FOXK1: variants seen among roughly 807,000 people sequenced by gnomAD.
FOXK1 encodes the protein forkhead box protein K1.
A neutral mutation model predicts 51.9 loss-of-function variants in FOXK1; 19 were observed. The ratio of observed to expected loss-of-function variants is 0.37; its 90% CI spans 0.26 to 0.54. The LOEUF (loss-of-function observed/expected upper bound fraction) is 0.54, where lower values mean the gene tolerates loss of function less well. Ranked by LOEUF, FOXK1 falls within the 20% of genes least tolerant of loss-of-function variation. The probability of loss-of-function intolerance (pLI) is 0.87; values close to 1 mark genes in which losing one functional copy is unlikely to be tolerated. For synonymous variants in FOXK1, 537 were observed against 482.6 expected (o/e 1.11, Z -1.48); for missense variants, 870 against 1,032.7 (o/e 0.84, Z 2.16).
chr7:4,719,579 T>C (rs1167377519), intron 1 of FOXK1, among the ~76,000 whole-genome samples: 1 of 152,146 alleles, frequency 6.6e-6, no homozygotes, highest in African/African-American at 2.4e-5. Flanking sequence ...CCTCCTGGGT[T>C]CAAGCAATTC....
At position 4,753,564 on chromosome 7, in the gene FOXK1, G is replaced by C. The variant is rs1463023831; in HGVS notation, c.747-895G>C. 2.6e-5 allele frequency among the ~76,000 whole-genome samples: 4 copies of C among 152,204 alleles called. No individual in the cohort carries two copies. The stretch of plus-strand genomic sequence containing the variant: ...TCCATCTCAGGACGGGGCTAGGTGG[G>C]TGCCCGTGAGCTCAGGACAGTGGGA... On this transcript the variant is annotated intron_variant, in intron 2 of 8. Coordinates refer to ENST00000328914, the MANE Select transcript of FOXK1 (RefSeq NM_001037165.2). The surrounding 1 kb of genome is among the most constrained non-coding windows in gnomAD (Gnocchi z 4.9).
At chr7:4,732,357 A>G (rs1780489210) in intron 1 of FOXK1, among the ~76,000 whole-genome samples, 1 of 152,056 alleles carries the variant, frequency 6.6e-6, no homozygotes, top group African/African-American at 2.4e-5. Context: ...TTCAGTCACC[A>G]TCATAGCCCA....
chr7:4,727,950 G>A (rs993038998), intron 1 of FOXK1, among the ~76,000 whole-genome samples: 3 of 152,336 alleles, frequency 2.0e-5, no homozygotes, highest in African/African-American at 7.2e-5. Context: ...AGTCGGTGGC[G>A]TGTGTTTGCC....
intron 1 of FOXK1, among the ~76,000 whole-genome samples, chr7:4,702,123 CCACT>C (rs1562371402): frequency 6.6e-6 from 1 of 152,024 alleles, no homozygotes; most frequent in African/African-American, 2.4e-5. Flanking sequence ...CGTATTGTAC[CCACT>C]AAGAATCCGT....
rs1355047094 is a variant in FOXK1 at position 4,722,841 on chromosome 7, CCT to C, written c.561-17991_561-17990del. Among the ~76,000 whole-genome samples, 1 of 152,138 alleles carries C rather than the reference CCT, an allele frequency of 6.6e-6. No homozygotes were observed. Among genetic ancestry groups the C allele is most frequent in the Non-Finnish European group, 1.5e-5 (1 of 68,032 alleles). ...GCTGTGTCTGTGCACCTTCTCCATC[CCT>C]CTCTCGTTTGGGCTCCGGTTCCCGC... On this transcript the variant is annotated intron_variant, in intron 1 of 8. Coordinates refer to ENST00000328914, the MANE Select transcript of FOXK1 (RefSeq NM_001037165.2). The surrounding 1 kb of genome is among the most constrained non-coding windows in gnomAD (Gnocchi z 5.1).
At chr7:4,701,474 G>A (rs892178341) in intron 1 of FOXK1, among the ~76,000 whole-genome samples, 4 of 152,166 alleles carry the variant, frequency 2.6e-5, no homozygotes, top group African/African-American at 9.7e-5. Flanking sequence ...AAGTACTATT[G>A]ACCGGGCGTG....
At chr7:4,702,321 TTTG>T (rs1356501396) in intron 1 of FOXK1, among the ~76,000 whole-genome samples, 1 of 151,848 alleles carries the variant, frequency 6.6e-6, no homozygotes, top group Non-Finnish European at 1.5e-5. Flanking sequence ...CTAAGAGGCA[TTTG>T]TTGTTTGTGG....
intron 2 of FOXK1, among the ~76,000 whole-genome samples, chr7:4,750,160 G>C (rs1780756125): frequency 6.6e-6 from 1 of 152,214 alleles, no homozygotes; most frequent in Admixed American, 6.5e-5. Flanking sequence ...GCTGCTTACT[G>C]TGCTTCTTCC....
chr7:4,710,236 A>T (rs1479510713), intron 1 of FOXK1, among the ~76,000 whole-genome samples: 1 of 152,210 alleles, frequency 6.6e-6, no homozygotes, highest in African/African-American at 2.4e-5. Context: ...CCTTTCTAAG[A>T]TAACAGAGGT....
chr7:4,761,656 C>T lies in FOXK1; in HGVS notation c.1921+368C>T, dbSNP rs983404651. On this transcript the variant is annotated intron_variant, in intron 8 of 8. Transcript: ENST00000328914. This position sits in a 1 kb window ranked among gnomAD's most constrained non-coding sequence, Gnocchi z 6.2. ...AGGCTGTAGTCAGCTGTGATTGCTC[C>T]GCTACCTGCCAGCCTGGGTGACTGA... Among the ~76,000 whole-genome samples, 12 of 152,106 alleles carry T rather than the reference C, an allele frequency of 7.9e-5. No individual in the cohort carries two copies. In the South Asian group the frequency reaches 2.1e-3, roughly 26 times the overall value.
At chr7:4,727,416 A>G (rs912957502) in intron 1 of FOXK1, among the ~76,000 whole-genome samples, 3 of 151,802 alleles carry the variant, frequency 2.0e-5, no homozygotes, top group African/African-American at 7.3e-5. Flanking sequence ...CCCGGGTTCA[A>G]GTGATTCTTG....
intron 1 of FOXK1, among the ~76,000 whole-genome samples, chr7:4,685,816 G>A (rs1000849508): frequency 6.6e-6 from 1 of 151,856 alleles, no homozygotes; most frequent in Non-Finnish European, 1.5e-5. Context: ...GGTGGATCAC[G>A]CCTGTAGTCC....
chr7:4,758,809 A>G lies in FOXK1; in HGVS notation c.1245-242A>G. On this transcript the variant is annotated intron_variant, in intron 5 of 8. Coordinates refer to ENST00000328914, the MANE Select transcript of FOXK1 (RefSeq NM_001037165.2). This position sits in a 1 kb window ranked among gnomAD's most constrained non-coding sequence, Gnocchi z 4.4. ...CGTAGGTTGTTGCGTTCACTGCAGC[A>G]CCTCACATGATACCGTCCCCTCTCA... is the stretch of plus-strand genomic sequence containing the variant. The G allele has an allele frequency of 1.8e-6, 1 of 541,560 alleles. No homozygotes were observed. Among genetic ancestry groups the G allele is most frequent in the Non-Finnish European group, 3.2e-6 (1 of 308,616 alleles). The allele number at this position is 541,560 out of a possible 1,614,324, so 33.5% of individuals were successfully genotyped here.
Position 4,733,030 on chromosome 7 carries a change from TCTCCTGCACAGCTCTGGG to T in FOXK1, c.561-7794_561-7777del, listed in dbSNP as rs1234280740. Among the ~76,000 whole-genome samples the T allele has an allele frequency of 2.6e-5, 4 of 152,166 alleles. No individual in the cohort carries two copies. The highest frequency in any genetic ancestry group is 1.3e-4 in the Admixed American group (2 of 15,256). ...AACTTTCTCCTGAGAGCCCTGGCTC[TCTCCTGCACAGCTCTGGG>T]CTCCTGCACAGCTTCTGTTCTGGGG... On this transcript the variant is annotated intron_variant, in intron 1 of 8. Coordinates refer to ENST00000328914, the MANE Select transcript of FOXK1 (RefSeq NM_001037165.2). This position sits in a 1 kb window ranked among gnomAD's most constrained non-coding sequence, Gnocchi z 5.0.
chr7:4,710,540 A>G (rs1395716172), intron 1 of FOXK1, among the ~76,000 whole-genome samples: 2 of 152,202 alleles, frequency 1.3e-5, no homozygotes, highest in Non-Finnish European at 2.9e-5. Context: ...GCGCCACTGC[A>G]CTCCAGCTTG....
At chr7:4,738,699 G>A (rs991541672) in intron 1 of FOXK1, among the ~76,000 whole-genome samples, 3 of 152,124 alleles carry the variant, frequency 2.0e-5, no homozygotes, top group Admixed American at 1.3e-4. Flanking sequence ...TTCTCATCTT[G>A]GAAACAGTCT....
rs374646075 is a variant in FOXK1, at chr7:4,725,589, C to T, written c.561-15249C>T. ...GGCCCCTCCGGCCAGTCTGCGTGAA[C>T]GGACTCTCCGGGCCTCGCCCATGCT... is the stretch of plus-strand genomic sequence containing the variant. On this transcript the variant is annotated intron_variant, in intron 1 of 8. Coordinates refer to ENST00000328914, the MANE Select transcript of FOXK1 (RefSeq NM_001037165.2). Among the ~76,000 whole-genome samples the T allele has an allele frequency of 2.3e-4, 35 of 152,386 alleles. 1 individual carries two copies. Among genetic ancestry groups the T allele is most frequent in the African/African-American group, 6.2e-4 (26 of 41,602 alleles).
rs1021356232 is a variant in FOXK1, at chr7:4,764,580, A to T, written c.*2116A>T. ...TGAGAGAACGGGGGGTGGGGGTTGG[A>T]GGTGGCTCCCCGACACCGGTGCCTG... On this transcript the variant is annotated 3_prime_UTR_variant, in exon 9 of 9. Transcript: ENST00000328914. 1 of 152,934 alleles carries T rather than the reference A, an allele frequency of 6.5e-6. No individual in the cohort carries two copies. Among genetic ancestry groups the T allele is most frequent in the Admixed American group, 6.5e-5 (1 of 15,272 alleles). The allele number at this position is 152,934 out of a possible 1,614,324, so 9.5% of individuals were successfully genotyped here. A position where few individuals can be genotyped will look rare whatever the true frequency, so the allele number is the denominator to read the frequency against.
rs544536608 is a variant in FOXK1 at position 4,704,974 on chromosome 7, G to C, written c.560+22106G>C. 9.9e-5 allele frequency among the ~76,000 whole-genome samples: 15 copies of C among 151,666 alleles called. No homozygotes were observed. In the East Asian group the frequency reaches 2.1e-3, roughly 22 times the overall value. On this transcript the variant is annotated intron_variant, in intron 1 of 8. Transcript: ENST00000328914. ...AGCCTCCCGAGTAGCTGGGACTACA[G>C]GCACATGCCACCACGCCCGGCTAAC... is the stretch of plus-strand genomic sequence containing the variant.
Sources: allele counts gnomAD v4.1 joint callset (sites outside exome capture counted in the v4.1 genomes callset), GRCh38; gene constraint gnomAD v4.1.1; non-coding constraint Gnocchi (gnomAD v3.1); transcripts MANE v1.5; gene names NCBI Gene and HGNC (gene_info 2026-07-23, HGNC 2026-07-21).